Variants in STXBP2 observed in about 807,000 individuals in gnomAD.
The protein encoded by STXBP2 is syntaxin-binding protein 2.
A neutral mutation model predicts 72.2 loss-of-function variants in STXBP2; 47 were observed. The observed-to-expected ratio is 0.65, with a 90% confidence interval of 0.51 to 0.83. The LOEUF (loss-of-function observed/expected upper bound fraction) is 0.83. Ranked by LOEUF, STXBP2 falls within the 40% of genes least tolerant of loss-of-function variation. The pLI, the probability that STXBP2 is intolerant of heterozygous loss-of-function variation, is 0.00. For synonymous variants in STXBP2, 367 were observed against 338.7 expected, an observed-to-expected ratio of 1.08 and a Z score of -0.92; for missense variants, 702 against 807.6, an observed-to-expected ratio of 0.87 and a Z score of 1.58.
At chr19:7,641,305 G>C (rs1014573864) in intron 6 of STXBP2, 2 of 502,736 alleles carry the variant, frequency 4.0e-6, no homozygotes, top group Non-Finnish European at 7.3e-6. Context: ...GGGAGGTCGA[G>C]GCTGCAGTGA....
At chr19:7,632,566 C>G (rs2031365875), upstream of STXBP2, 1 of 1,604,310 alleles carries the variant, frequency 6.2e-7, no homozygotes, top group African/African-American at 1.3e-5. The surrounding 1 kb of genome is among the most constrained non-coding windows in gnomAD (Gnocchi z 5.2). Context: ...AGTGGGGGCC[C>G]CCAACCCTAC....
At chr19:7,645,461 G>A in intron 15 of STXBP2, 155 bp downstream of exon 15, 1 of 667,140 alleles carries the variant, frequency 1.5e-6, no homozygotes, top group South Asian at 1.8e-5. Flanking sequence ...GGTCTGGTCT[G>A]GGGCCCAGAG....
intron 3 of STXBP2, 128 bp downstream of exon 3, chr19:7,639,228 C>A: frequency 1.0e-6 from 1 of 998,680 alleles, no homozygotes; most frequent in South Asian, 1.4e-5. Context: ...GTACGCAGCT[C>A]CCTGCACGGA....
In STXBP2 at chr19:7,641,751, C is replaced by A. The variant is rs1403369773; in HGVS notation, c.476C>A (p.Pro159His). The change falls in exon 7 of 19, where the codon CCC becomes CAC. Residue 159 changes from proline (P) to histidine (H), a missense_variant. Coordinates refer to ENST00000221283, the MANE Select transcript of STXBP2 (RefSeq NM_006949.4). ...APHSTYNLYC[P>H]FRAEERTRQL... ...CACAGCACCTACAACCTCTACTGCC[C>A]CTTCCGGGCAGAGGAGCGCACGCGG... 1.3e-6 allele frequency: 2 copies of A among 1,552,980 alleles called. No homozygotes were observed. The highest frequency in any genetic ancestry group is 1.7e-6 in the Non-Finnish European group (2 of 1,148,364).
In STXBP2 at chr19:7,637,919, G is replaced by T. The variant is rs114969390; in HGVS notation, c.37+733G>T. 9.1e-3 allele frequency among the ~76,000 whole-genome samples: 1,382 copies of T among 152,262 alleles called. 28 individuals are homozygous for T. The highest frequency in any genetic ancestry group is 0.032 in the African/African-American group (1,330 of 41,544). On this transcript the variant is annotated intron_variant, in intron 1 of 18. Coordinates refer to ENST00000221283, the MANE Select transcript of STXBP2 (RefSeq NM_006949.4). ...AAACCCCTTTAATTGGGGGAGATTAGAAAAAAGTGATTCCATTTTACAGAT... is the reference window on the plus strand; with the variant it reads ...AAACCCCTTTAATTGGGGGAGATTATAAAAAAGTGATTCCATTTTACAGAT...
Position 7,643,164 on chromosome 19 carries a change from G to A in STXBP2, c.1027-1G>A, listed in dbSNP as rs1165548847. ...CCCAACCCCCACCCTGCACCCTGCA[G>A]TATTCTACGCACCTGCATCTAGCAG... On this transcript the variant is annotated splice_acceptor_variant, in intron 12 of 18. Transcript: ENST00000221283. LOFTEE classifies it high-confidence loss of function. 1 of 1,613,846 alleles carries A rather than the reference G, an allele frequency of 6.2e-7. No homozygotes were observed. Among genetic ancestry groups the A allele is most frequent in the South Asian group, 1.1e-5 (1 of 91,082 alleles).
In STXBP2 at chr19:7,644,626, G is replaced by A. The variant is rs763281055; in HGVS notation, c.1120G>A (p.Gly374Ser). The A allele has an allele frequency of 1.2e-6, 2 of 1,612,760 alleles. No individual in the cohort carries two copies. The highest frequency in any genetic ancestry group is 2.2e-5 in the South Asian group (2 of 91,086). ...LCSVEQDLAM[G>S]SDAEGEKIKD... ...CCCATGCCCGCAGGACCTGGCCATG[G>A]GCTCCGACGCAGAGGGGGAGAAGAT... Residue 374 changes from glycine to serine, a missense_variant, in exon 14 of 19, where the codon GGC becomes AGC. Physicochemically the swap from Gly to Ser is moderately conservative, Grantham distance 56. Coordinates refer to ENST00000221283, the MANE Select transcript of STXBP2 (RefSeq NM_006949.4).
At chr19:7,639,467 A>G in intron 3 of STXBP2, 1 of 575,934 alleles carries the variant, frequency 1.7e-6, no homozygotes, top group Non-Finnish European at 3.1e-6. Context: ...TCACTTTGCC[A>G]TTGAGGGATA....
intron 16 of STXBP2, 37 bp downstream of exon 16, chr19:7,646,381 C>T (rs780957276): frequency 6.5e-5 from 101 of 1,554,306 alleles, no homozygotes; most frequent in Admixed American, 1.5e-4. Context: ...GCCAGCCCTC[C>T]GCATCGGCTG....
At chr19:7,633,034 G>A (rs1044735376), upstream of STXBP2, 73 of 1,427,396 alleles carry the variant, frequency 5.1e-5, no homozygotes, top group Non-Finnish European at 6.5e-5. Context: ...CCGCCCCAGG[G>A]GCCCTGGCCA....
At chr19:7,640,690 G>A in intron 4 of STXBP2, 41 bp from the exon 5 acceptor site, 6 of 1,613,246 alleles carry the variant, frequency 3.7e-6, no homozygotes, top group Non-Finnish European at 5.1e-6. Flanking sequence ...ATGAGCCTAG[G>A]TGTGCAGGCT....
chr19:7,647,444 C>T lies in STXBP2; in HGVS notation c.1629C>T (p.Ala543=). Residue 543 remains alanine, a synonymous_variant, in exon 18 of 19, where the codon GCC becomes GCT. Transcript: ENST00000221283. ...RLIVYVMGGV[A]MSEMRAAYEV... is the part of the protein sequence containing the mutation. ...TCGTGTATGTCATGGGCGGTGTGGC[C>T]ATGTCAGAGATGAGGGCCGCCTACG... The T allele has an allele frequency of 6.2e-7, 1 of 1,613,376 alleles. No individual in the cohort carries two copies. Among genetic ancestry groups the T allele is most frequent in the South Asian group, 1.1e-5 (1 of 91,008 alleles).
intron 4 of STXBP2, 188 bp from the exon 5 acceptor site, chr19:7,640,541 TGC>T (rs960098003): frequency 1.1e-5 from 8 of 708,152 alleles, no homozygotes; most frequent in African/African-American, 3.5e-5. Context: ...TATGTGTGTG[TGC>T]GTGCGTGCAT....
At chr19:7,633,625 A>G (rs2031427650), upstream of STXBP2, 2 of 663,792 alleles carry the variant, frequency 3.0e-6, no homozygotes, top group Non-Finnish European at 5.1e-6. Flanking sequence ...GATCATCCAG[A>G]TAATTGTTTG....
At position 7,647,768 on chromosome 19, in the gene STXBP2, G is replaced by A. The variant is rs753183927; in HGVS notation, c.1740G>A (p.Leu580=). 3.1e-6 allele frequency: 5 copies of A among 1,614,054 alleles called. No individual in the cohort carries two copies. In the South Asian group the frequency reaches 4.4e-5, roughly 14 times the overall value. Residue 580 remains leucine (L), a synonymous_variant, in exon 19 of 19, where the codon CTG becomes CTA. Transcript: ENST00000221283. ...ILTPTRFLDD[L]KALDKKLEDI... The stretch of plus-strand genomic sequence containing the variant: ...CCCCGACCCGCTTCCTGGATGACCT[G>A]AAGGCACTGGACAAGAAGCTGGAGG...
the STXBP2 span, chr19:7,630,458 G>A: frequency 1.9e-5 from 15 of 797,746 alleles, no homozygotes; most frequent in Non-Finnish European, 2.7e-5. Context: ...GGATTCTTGG[G>A]TCGGCCGTAA....
At chr19:7,640,512 G>C (rs535448765) in intron 4 of STXBP2, 2 of 677,044 alleles carry the variant, frequency 3.0e-6, no homozygotes, top group Non-Finnish European at 5.4e-6. Flanking sequence ...GTGTGTGTGT[G>C]CATGTGTGCA....
chr19:7,640,413 T>C (rs1362844985), intron 4 of STXBP2: 1 of 579,752 alleles, frequency 1.7e-6, no homozygotes, highest in Non-Finnish European at 3.1e-6. Flanking sequence ...TGTGTGTATG[T>C]ATGTGTGCGC....
Position 7,647,220 on chromosome 19 carries a change from C to G in STXBP2, c.1511C>G (p.Pro504Arg), listed in dbSNP as rs371725051. 1 of 1,611,698 alleles carries G rather than the reference C, an allele frequency of 6.2e-7. No individual in the cohort carries two copies. The highest frequency in any genetic ancestry group is 1.3e-5 in the African/African-American group (1 of 74,924). ...TGGCCCTTCGTATCCGACCCCGCCC[C>G]CACGGCCAGCTCCCAGGCCGCTGTC... ...NLWPFVSDPA[P>R]TASSQAAVSA... The change falls in exon 17 of 19, where the codon CCC becomes CGC. Residue 504 changes from proline (P) to arginine (R), a missense_variant. Transcript: ENST00000221283.
Sources: allele counts gnomAD v4.1 joint callset (sites outside exome capture counted in the v4.1 genomes callset), GRCh38; gene constraint gnomAD v4.1.1; non-coding constraint Gnocchi (gnomAD v3.1); transcripts MANE v1.5; gene names NCBI Gene and HGNC (gene_info 2026-07-23, HGNC 2026-07-21).